Variants in NALF1 observed in about 807,000 individuals in gnomAD.
The protein encoded by NALF1 is NALCN channel auxiliary factor 1, also known as family with sequence similarity 155 member A.
NALF1 carries 3 observed loss-of-function variants against 48.4 expected under a neutral mutation model. The ratio of observed to expected loss-of-function variants is 0.06; its 90% confidence interval spans 0.03 to 0.16. The LOEUF is 0.16. Ranked by LOEUF, NALF1 falls within the 10% of genes least tolerant of loss-of-function variation. NALF1 has a pLI of 1.00. For synonymous variants in NALF1, 262 were observed against 245.7 expected (o/e 1.07, Z -0.62); for missense variants, 526 against 571.5 (o/e 0.92, Z 0.81).
intron 1 of NALF1, among the ~76,000 whole-genome samples, chr13:107,677,258 C>A (rs1456145233): frequency 6.6e-6 from 1 of 152,178 alleles, no homozygotes; most frequent in African/African-American, 2.4e-5. Flanking sequence ...GTTGGCCAGG[C>A]TGGTCCCGAA....
At chr13:107,847,096 AAAAAAGAAAAC>A (rs1454667863) in intron 1 of NALF1, among the ~76,000 whole-genome samples, 2 of 152,012 alleles carry the variant, frequency 1.3e-5, no homozygotes, top group East Asian at 1.9e-4. Flanking sequence ...GTTTTGGGGA[AAAAAAGAAAAC>A]TTGAACATGA....
intron 1 of NALF1, among the ~76,000 whole-genome samples, chr13:107,569,283 C>A (rs1364302161): frequency 6.6e-6 from 1 of 151,994 alleles, no homozygotes; most frequent in East Asian, 1.9e-4. Flanking sequence ...TCCTGGCCAA[C>A]ACGGTGAAAC....
In NALF1 at chr13:107,614,170, A is replaced by G. The variant is rs201875618; in HGVS notation, c.915+251512T>C. On this transcript the variant is annotated intron_variant, in intron 1 of 2. Transcript: ENST00000375915. ...GAGACCTTTTGTCAGAGAAAATACC[A>G]AATCTCTCATATCACAGCAAGATCA... Among the ~76,000 whole-genome samples the G allele has an allele frequency of 3.9e-5, 6 of 152,312 alleles. No individual in the cohort carries two copies. The East Asian group carries it at 1.2e-3, about 29-fold the overall frequency.
intron 1 of NALF1, among the ~76,000 whole-genome samples, chr13:107,439,392 C>T (rs1302733277): frequency 1.3e-5 from 2 of 152,218 alleles, no homozygotes. Context: ...CCCCTTTAAA[C>T]CTGGTTTTCA....
At chr13:107,311,462 A>G (rs1197907797) in intron 1 of NALF1, among the ~76,000 whole-genome samples, 1 of 152,012 alleles carries the variant, frequency 6.6e-6, no homozygotes, top group East Asian at 1.9e-4. Flanking sequence ...TTGTATACAG[A>G]GGTTTACTGG....
chr13:107,601,169 T>C (rs1399073505), intron 1 of NALF1, among the ~76,000 whole-genome samples: 4 of 152,116 alleles, frequency 2.6e-5, no homozygotes, highest in African/African-American at 7.2e-5. Context: ...GATTGTGCAA[T>C]GCTCCCCGAC....
chr13:107,400,381 A>C (rs1320831708), intron 1 of NALF1, among the ~76,000 whole-genome samples: 3 of 152,140 alleles, frequency 2.0e-5, no homozygotes, highest in Non-Finnish European at 4.4e-5. Context: ...ATGGCCCTCA[A>C]CCTTGCTTTT....
intron 1 of NALF1, among the ~76,000 whole-genome samples, chr13:107,446,408 C>CAG (rs1884651382): frequency 7.4e-6 from 1 of 135,588 alleles, no homozygotes; most frequent in African/African-American, 2.9e-5. Context: ...ATTAAATTCA[C>CAG]ACACACACAC....
At chr13:107,238,328 T>C (rs1880395477) in intron 1 of NALF1, among the ~76,000 whole-genome samples, 1 of 152,182 alleles carries the variant, frequency 6.6e-6, no homozygotes, top group African/African-American at 2.4e-5. Flanking sequence ...TTGAATGGCA[T>C]CCAATCAGTA....
intron 1 of NALF1, among the ~76,000 whole-genome samples, chr13:107,447,163 C>T (rs748797720): frequency 6.6e-6 from 1 of 152,186 alleles, no homozygotes; most frequent in Non-Finnish European, 1.5e-5. Flanking sequence ...CCTCCTTCCT[C>T]TTCTCCTTGG....
chr13:107,632,639 C>A (rs1394154334), intron 1 of NALF1, among the ~76,000 whole-genome samples: 1 of 152,114 alleles, frequency 6.6e-6, no homozygotes, highest in African/African-American at 2.4e-5. Context: ...ACTCCCTCAA[C>A]AAACACAACA....
intron 1 of NALF1, among the ~76,000 whole-genome samples, chr13:107,345,444 G>T (rs1761906010): frequency 6.6e-6 from 1 of 152,110 alleles, no homozygotes; most frequent in Non-Finnish European, 1.5e-5. Context: ...TATGGTATTG[G>T]CATAAAGACA....
intron 1 of NALF1, 93 bp downstream of exon 1, chr13:107,865,589 G>A (rs1295013680): frequency 1.7e-5 from 26 of 1,496,636 alleles, no homozygotes; most frequent in East Asian, 2.3e-5. Flanking sequence ...CAAAACCATA[G>A]CCAAAAAATA....
At chr13:107,414,853 G>C (rs750522937) in intron 1 of NALF1, among the ~76,000 whole-genome samples, 5 of 151,872 alleles carry the variant, frequency 3.3e-5, no homozygotes, top group Non-Finnish European at 7.4e-5. Context: ...TCAATTCTTA[G>C]AAGTGGGAGT....
intron 1 of NALF1, among the ~76,000 whole-genome samples, chr13:107,702,114 TG>T (rs1320609399): frequency 6.6e-6 from 1 of 152,220 alleles, no homozygotes; most frequent in Non-Finnish European, 1.5e-5. Flanking sequence ...TATACATATA[TG>T]GAATTGTTGA....
intron 1 of NALF1, among the ~76,000 whole-genome samples, chr13:107,325,993 A>G (rs1352524447): frequency 6.7e-6 from 1 of 148,994 alleles, no homozygotes; most frequent in Non-Finnish European, 1.5e-5. Context: ...ACATATATAC[A>G]TATATATGTA....
intron 1 of NALF1, among the ~76,000 whole-genome samples, chr13:107,822,926 A>G (rs1477301897): frequency 2.0e-5 from 3 of 152,180 alleles, no homozygotes; most frequent in East Asian, 3.9e-4. Flanking sequence ...TTTTTCTGAG[A>G]AAGTCTGCTC....
intron 1 of NALF1, among the ~76,000 whole-genome samples, chr13:107,353,162 G>T (rs1162007123): frequency 6.6e-6 from 1 of 152,086 alleles, no homozygotes; most frequent in Non-Finnish European, 1.5e-5. Context: ...ACGGAAAAGG[G>T]TACATAAGCT....
intron 1 of NALF1, among the ~76,000 whole-genome samples, chr13:107,774,048 C>T (rs1427175775): frequency 6.6e-6 from 1 of 152,100 alleles, no homozygotes; most frequent in East Asian, 1.9e-4. Context: ...ATTCATCAAA[C>T]ATTAATTGTC....
Sources: allele counts gnomAD v4.1 joint callset (sites outside exome capture counted in the v4.1 genomes callset), GRCh38; gene constraint gnomAD v4.1.1; transcripts MANE v1.5; gene names NCBI Gene and HGNC (gene_info 2026-07-23, HGNC 2026-07-21).